The following TRAP1 variants were observed in gnomAD, a reference collection of about 807,000 sequenced individuals.
The protein encoded by TRAP1 is heat shock protein 75 kDa, mitochondrial.
TRAP1 carries 102 observed loss-of-function variants against 89.1 expected under a neutral mutation model. The ratio of observed to expected loss-of-function variants is 1.15; its 90% CI spans 0.98 to 1.35. TRAP1 has a LOEUF of 1.35. TRAP1 is among the 40% of genes most tolerant of loss of function. The probability of loss-of-function intolerance (pLI) is 0.00; values close to 1 mark genes in which losing one functional copy is unlikely to be tolerated. For missense variants in TRAP1, 1,256 were observed against 945.3 expected, an observed-to-expected ratio of 1.33 and a Z score of -4.31; for synonymous variants, 508 against 388.0, an observed-to-expected ratio of 1.31 and a Z score of -3.64.
chr16:3,683,379 C>T (rs1428430086), intron 4 of TRAP1, among the ~76,000 whole-genome samples: 1 of 151,164 alleles, frequency 6.6e-6, no homozygotes, highest in Admixed American at 6.6e-5. Flanking sequence ...ATGTAATATA[C>T]TAACATTTCT....
At chr16:3,696,329 G>C (rs73489752) in intron 1 of TRAP1, among the ~76,000 whole-genome samples, 7,404 of 152,232 alleles carry the variant, frequency 0.049, 592 homozygotes, top group African/African-American at 0.17. Context: ...AGCCCAGCCA[G>C]AAGGGCTCCC....
intron 1 of TRAP1, 159 bp from the exon 2 acceptor site, chr16:3,691,144 C>A: frequency 1.6e-6 from 1 of 606,292 alleles, no homozygotes; most frequent in South Asian, 3.5e-5. Flanking sequence ...GCCACAGTGT[C>A]AGGGTGTGGT....
At chr16:3,708,004 G>C (rs1420680533) in intron 1 of TRAP1, among the ~76,000 whole-genome samples, 11 of 152,094 alleles carry the variant, frequency 7.2e-5, no homozygotes. Context: ...GGGCAATATA[G>C]TGGGACCCCA....
intron 8 of TRAP1, 24 bp from the exon 9 acceptor site, chr16:3,674,518 G>A (rs758198432): frequency 1.2e-6 from 2 of 1,611,324 alleles, no homozygotes; most frequent in East Asian, 2.2e-5. Flanking sequence ...TCGGCGGGGA[G>A]GGCGTCGTGT....
At chr16:3,691,040 A>G (rs1381227439) in intron 1 of TRAP1, 55 bp from the exon 2 acceptor site, 2 of 1,390,802 alleles carry the variant, frequency 1.4e-6, no homozygotes, top group Non-Finnish European at 1.9e-6. Context: ...GAGAAACAAT[A>G]TGGTAATTCG....
rs2051517518 is a variant in TRAP1, at chr16:3,710,756, CCTT to C, written c.88+6662_88+6664del. Among the ~76,000 whole-genome samples the C allele has an allele frequency of 5.9e-5, 9 of 152,090 alleles. No homozygotes were observed. The South Asian group carries it at 1.9e-3, about 32-fold the overall frequency. On this transcript the variant is annotated intron_variant, in intron 1 of 17. Transcript: ENST00000246957. ...ATAGTTACATTAGAAGGACCCACGT[CCTT>C]CTGTCTTCTTCTCAGCAGCATTGCT...
intron 11 of TRAP1, among the ~76,000 whole-genome samples, chr16:3,670,519 A>T (rs895204164): frequency 2.0e-5 from 3 of 151,864 alleles, no homozygotes; most frequent in African/African-American, 7.2e-5. Context: ...TGGGCAACAT[A>T]GTGAGATCCC....
chr16:3,711,370 G>A (rs1453572094), intron 1 of TRAP1, among the ~76,000 whole-genome samples: 2 of 152,118 alleles, frequency 1.3e-5, no homozygotes, highest in African/African-American at 4.8e-5. Context: ...GGAGGCCGAG[G>A]CAGGCAGATC....
chr16:3,680,098 G>C (rs2051055094), intron 4 of TRAP1: 1 of 268,726 alleles, frequency 3.7e-6, no homozygotes, highest in African/African-American at 2.2e-5. Context: ...ATGATGGCGA[G>C]CACCTGTGGT....
At chr16:3,703,048 A>G (rs912616816) in intron 1 of TRAP1, among the ~76,000 whole-genome samples, 1 of 147,042 alleles carries the variant, frequency 6.8e-6, no homozygotes, top group African/African-American at 2.5e-5. Context: ...GTCTTGAAAA[A>G]AAAAAAAAAA....
chr16:3,702,430 T>A (rs1432085137), intron 1 of TRAP1, among the ~76,000 whole-genome samples: 3 of 151,458 alleles, frequency 2.0e-5, no homozygotes, highest in Non-Finnish European at 4.4e-5. Flanking sequence ...AGACTTTCAT[T>A]TTTCAAGAGG....
intron 1 of TRAP1, among the ~76,000 whole-genome samples, chr16:3,697,789 A>AT (rs796150055): frequency 1.2e-3 from 167 of 144,200 alleles, no homozygotes; most frequent in Middle Eastern, 3.6e-3. Context: ...AATATGCAGA[A>AT]TTTTTTTTTT....
intron 4 of TRAP1, among the ~76,000 whole-genome samples, chr16:3,685,361 T>C (rs561352538): frequency 3.9e-5 from 6 of 152,280 alleles, no homozygotes; most frequent in Non-Finnish European, 8.8e-5. Flanking sequence ...CACAAGTCCA[T>C]TCATTCACGC....
chr16:3,679,862 A>G (rs2051052225), intron 4 of TRAP1, 72 bp from the exon 5 acceptor site: 1 of 1,471,796 alleles, frequency 6.8e-7, no homozygotes, highest in Non-Finnish European at 9.5e-7. Flanking sequence ...CAGCAGTCCC[A>G]GGGACTCAAG....
chr16:3,715,643 A>T (rs866180809), intron 1 of TRAP1, among the ~76,000 whole-genome samples: 2 of 152,028 alleles, frequency 1.3e-5, no homozygotes, highest in South Asian at 4.1e-4. Flanking sequence ...AAAAGAAACG[A>T]GAACCAAATT....
intron 4 of TRAP1, among the ~76,000 whole-genome samples, chr16:3,684,129 C>G (rs1341358901): frequency 6.6e-6 from 1 of 152,126 alleles, no homozygotes; most frequent in African/African-American, 2.4e-5. Flanking sequence ...TGAGATCATA[C>G]CACTGCACTC....
At chr16:3,706,494 T>C (rs2051448751) in intron 1 of TRAP1, among the ~76,000 whole-genome samples, 1 of 142,396 alleles carries the variant, frequency 7.0e-6, no homozygotes, top group African/African-American at 2.6e-5. Flanking sequence ...AGGTTCTTGC[T>C]CTTTGACCAG....
chr16:3,670,690 A>C (rs1456283738), intron 11 of TRAP1, among the ~76,000 whole-genome samples: 2 of 152,190 alleles, frequency 1.3e-5, no homozygotes, highest in South Asian at 2.1e-4. Context: ...GACAACAAGA[A>C]AGACCCTATC....
chr16:3,667,227 G>A (rs2151246718), intron 11 of TRAP1, among the ~76,000 whole-genome samples: 1 of 152,270 alleles, frequency 6.6e-6, no homozygotes, highest in East Asian at 1.9e-4. Context: ...AGCCCACCGT[G>A]AAGAGTCAGA....
Sources: allele counts gnomAD v4.1 joint callset (sites outside exome capture counted in the v4.1 genomes callset), GRCh38; gene constraint gnomAD v4.1.1; transcripts MANE v1.5; gene names NCBI Gene and HGNC (gene_info 2026-07-23, HGNC 2026-07-21).